Variants in KCTD16 observed in about 807,000 individuals in gnomAD.
The protein encoded by KCTD16 is potassium channel tetramerization domain containing 16, also known as BTB/POZ domain-containing protein KCTD16.
In KCTD16, 13 loss-of-function variants were observed where a neutral mutation model predicts 33.2. That is an observed-to-expected ratio of 0.39 (90% confidence interval 0.25 to 0.62). The LOEUF (loss-of-function observed/expected upper bound fraction) is 0.62. KCTD16 is among the 20% of genes least tolerant of loss of function. The pLI is 0.50. For synonymous variants in KCTD16, 197 were observed against 195.3 expected (o/e 1.01, Z -0.07); for missense variants, 441 against 525.1 (o/e 0.84, Z 1.57).
chr5:144,294,820 G>A (rs1035977921), intron 3 of KCTD16, among the ~76,000 whole-genome samples: 1 of 152,138 alleles, frequency 6.6e-6, no homozygotes, highest in Non-Finnish European at 1.5e-5. Context: ...ACTACCAGTT[G>A]TTGAGCATTT....
Position 144,207,312 on chromosome 5 carries a change from T to G in KCTD16, c.598T>G (p.Leu200Val), listed in dbSNP as rs900201583. Residue 200 changes from leucine to valine, a missense_variant, in exon 3 of 4, where the codon TTG (leucine) becomes GTG (valine). Physicochemically the swap from Leu to Val is conservative, Grantham distance 32. Coordinates refer to ENST00000512467, the MANE Select transcript of KCTD16 (RefSeq NM_020768.4). Reference protein sequence around the residue: ...PRILVCGRISLAKEVFGETLN... With the variant: ...PRILVCGRISVAKEVFGETLN... Reference sequence around the variant, plus strand: ...GATTTTGGTTTGTGGAAGGATTTCCTTGGCAAAAGAAGTCTTTGGAGAAAC... The same window carrying G: ...GATTTTGGTTTGTGGAAGGATTTCCGTGGCAAAAGAAGTCTTTGGAGAAAC... The G allele has an allele frequency of 1.2e-6, 2 of 1,614,212 alleles. No homozygotes were observed. The highest frequency in any genetic ancestry group is 1.7e-5 in the Admixed American group (1 of 60,032).
At chr5:144,426,524 G>A (rs1298997258) in intron 3 of KCTD16, among the ~76,000 whole-genome samples, 1 of 151,868 alleles carries the variant, frequency 6.6e-6, no homozygotes. Context: ...ACATTTTCAG[G>A]TGTTTTTTTT....
chr5:144,390,821 G>A (rs1165093849), intron 3 of KCTD16, among the ~76,000 whole-genome samples: 2 of 152,072 alleles, frequency 1.3e-5, no homozygotes, highest in African/African-American at 4.8e-5. Context: ...ATGATGGTTT[G>A]CAGCTTCATC....
intron 3 of KCTD16, among the ~76,000 whole-genome samples, chr5:144,424,181 C>T (rs1247924360): frequency 3.3e-5 from 5 of 152,140 alleles, no homozygotes; most frequent in African/African-American, 9.7e-5. Flanking sequence ...AAACTCAGAC[C>T]TATCATTTTA....
At chr5:144,404,175 A>G (rs1168781047) in intron 3 of KCTD16, among the ~76,000 whole-genome samples, 2 of 152,200 alleles carry the variant, frequency 1.3e-5, no homozygotes, top group Non-Finnish European at 2.9e-5. Flanking sequence ...GAGTAAGAGG[A>G]TGGAAGAAAA....
chr5:144,417,909 T>C (rs1281336642), intron 3 of KCTD16, among the ~76,000 whole-genome samples: 2 of 152,174 alleles, frequency 1.3e-5, no homozygotes, highest in Non-Finnish European at 2.9e-5. Context: ...AGAATGAAGC[T>C]ATGGACCCTC....
At chr5:144,458,533 T>C (rs1287200662) in intron 3 of KCTD16, among the ~76,000 whole-genome samples, 2 of 152,182 alleles carry the variant, frequency 1.3e-5, no homozygotes, top group African/African-American at 4.8e-5. Context: ...TACTCTTTGG[T>C]CCTGTTGTTT....
intron 2 of KCTD16, among the ~76,000 whole-genome samples, chr5:144,187,499 C>T (rs1356789184): frequency 6.6e-6 from 1 of 151,992 alleles, no homozygotes; most frequent in African/African-American, 2.4e-5. Context: ...GTTGTTTATT[C>T]TTCTAGCTAT....
chr5:144,174,309 C>T lies in KCTD16; in HGVS notation c.-490C>T, dbSNP rs932637078. 6.6e-6 allele frequency: 1 copy of T among 152,150 alleles called. No individual in the cohort carries two copies. The highest frequency in any genetic ancestry group is 6.5e-5 in the Admixed American group (1 of 15,286). 9.4% of individuals were successfully genotyped at this position (152,150 alleles called of 1,614,324 possible). On this transcript the variant is annotated splice_region_variant and 5_prime_UTR_variant, in exon 2 of 4. Transcript: ENST00000512467. ...TTTCTTTCCCTTCTGTTTTTCAGTT[C>T]ATATGTCATGAAAAGTTGTGCCAGA... is the stretch of plus-strand genomic sequence containing the variant.
intron 3 of KCTD16, among the ~76,000 whole-genome samples, chr5:144,316,585 T>C (rs1751922191): frequency 7.0e-6 from 1 of 142,770 alleles, no homozygotes; most frequent in African/African-American, 2.6e-5. Flanking sequence ...ATCTCTCCAC[T>C]CACTGCAACC....
chr5:144,444,564 TAC>T (rs1753779761), intron 3 of KCTD16, among the ~76,000 whole-genome samples: 1 of 152,074 alleles, frequency 6.6e-6, no homozygotes, highest in African/African-American at 2.4e-5. Flanking sequence ...CCTCACATTT[TAC>T]AGTTAATAGT....
chr5:144,294,898 C>A (rs1755994338), intron 3 of KCTD16, among the ~76,000 whole-genome samples: 1 of 152,208 alleles, frequency 6.6e-6, no homozygotes, highest in African/African-American at 2.4e-5. Context: ...GTGGACAGAA[C>A]TGAGTTCCTG....
chr5:144,427,990 A>G (rs1030309502), intron 3 of KCTD16, among the ~76,000 whole-genome samples: 1 of 152,134 alleles, frequency 6.6e-6, no homozygotes, highest in Non-Finnish European at 1.5e-5. Flanking sequence ...TTAGCACAGT[A>G]TCTGTCACAG....
At chr5:144,386,730 A>G (rs989008054) in intron 3 of KCTD16, among the ~76,000 whole-genome samples, 7 of 152,238 alleles carry the variant, frequency 4.6e-5, no homozygotes, top group African/African-American at 1.7e-4. Flanking sequence ...GAAAATTGGC[A>G]CATTCCAGAG....
intron 3 of KCTD16, among the ~76,000 whole-genome samples, chr5:144,351,943 A>C (rs1421543391): frequency 1.3e-5 from 2 of 152,198 alleles, no homozygotes; most frequent in Non-Finnish European, 2.9e-5. Flanking sequence ...AGTAGAAATA[A>C]GTTCAAGAGA....
At chr5:144,190,532 T>G (rs1752820368) in intron 2 of KCTD16, among the ~76,000 whole-genome samples, 1 of 152,198 alleles carries the variant, frequency 6.6e-6, no homozygotes, top group Non-Finnish European at 1.5e-5. Flanking sequence ...TTGGTATCTA[T>G]TATTATATCT....
intron 3 of KCTD16, among the ~76,000 whole-genome samples, chr5:144,315,248 G>T (rs576798866): frequency 3.3e-5 from 5 of 152,096 alleles, no homozygotes; most frequent in Admixed American, 3.3e-4. Context: ...CTTTCTTCCA[G>T]TAAGTCCCAC....
intron 3 of KCTD16, among the ~76,000 whole-genome samples, chr5:144,417,509 CA>C (rs1468996462): frequency 6.6e-6 from 1 of 151,984 alleles, no homozygotes; most frequent in African/African-American, 2.4e-5. Flanking sequence ...TTATACATTC[CA>C]AAAAATTATC....
In KCTD16 at chr5:144,483,229, G is replaced by A. The variant is rs1191665384; in HGVS notation, c.*9115G>A. 2 of 151,394 alleles carry A rather than the reference G, an allele frequency of 1.3e-5. No individual in the cohort carries two copies. Among genetic ancestry groups the A allele is most frequent in the Admixed American group, 1.3e-4 (2 of 15,176 alleles). 9.4% of individuals were successfully genotyped at this position (151,394 alleles called of 1,614,324 possible). A position where few individuals can be genotyped will look rare whatever the true frequency, so the allele number is the denominator to read the frequency against. On this transcript the variant is annotated 3_prime_UTR_variant, in exon 4 of 4. Coordinates refer to ENST00000512467, the MANE Select transcript of KCTD16 (RefSeq NM_020768.4). ...TAAGAAGAAAAAGAAAAATGTAGGT[G>A]TATGATAGCACAAATTCAATGGTTA...
Sources: gnomAD v4.1 joint callset for allele counts (sites outside exome capture counted in the v4.1 genomes callset) on GRCh38, gnomAD v4.1.1 for gene constraint, MANE v1.5 for transcripts, NCBI Gene and HGNC (gene_info 2026-07-23, HGNC 2026-07-21) for gene names.